VGLL3: variants seen among roughly 807,000 people sequenced by gnomAD.
VGLL3 encodes the protein vestigial like family member 3.
In VGLL3, 18 loss-of-function variants were observed where a neutral mutation model predicts 29.2. The observed-to-expected ratio is 0.62, with a 90% CI of 0.43 to 0.91. VGLL3 has a LOEUF of 0.91. Ranked by LOEUF, VGLL3 falls within the 40% of genes least tolerant of loss-of-function variation. The probability of loss-of-function intolerance (pLI) is 0.00; values close to 1 mark genes in which losing one functional copy is unlikely to be tolerated. For synonymous variants in VGLL3, 180 were observed against 151.8 expected (o/e 1.19, Z -1.36); for missense variants, 440 against 413.2 (o/e 1.06, Z -0.56).
chr3:86,982,807 C>T (rs1446288856), intron 1 of VGLL3, among the ~76,000 whole-genome samples: 1 of 152,102 alleles, frequency 6.6e-6, no homozygotes, highest in Non-Finnish European at 1.5e-5. Context: ...TTCTTAAATG[C>T]ACATTTATGT....
intron 3 of VGLL3, among the ~76,000 whole-genome samples, chr3:86,956,574 C>T (rs1704725971): frequency 6.6e-6 from 1 of 152,034 alleles, no homozygotes; most frequent in South Asian, 2.1e-4. Flanking sequence ...ATCACGAGGT[C>T]AGGAGATCGA....
intron 3 of VGLL3, chr3:86,962,419 C>A (rs1704871538): frequency 2.1e-5 from 21 of 985,326 alleles, no homozygotes; most frequent in Non-Finnish European, 2.5e-5. Flanking sequence ...ACCTCACTGT[C>A]CTCACCACCA....
rs997359862 is a variant in VGLL3, at chr3:86,946,898, C to T, written c.*126G>A. The T allele has an allele frequency of 5.9e-5, 40 of 674,532 alleles. No homozygotes were observed. The highest frequency in any genetic ancestry group is 3.7e-4 in the East Asian group (14 of 38,272). 41.8% of individuals were successfully genotyped at this position (674,532 alleles called of 1,614,324 possible). On this transcript the variant is annotated 3_prime_UTR_variant, in exon 4 of 4. Transcript: ENST00000398399. The stretch of plus-strand genomic sequence containing the variant: ...AGAAAGGCCGAAAACCAGTCAACTG[C>T]GTGACACTTTGTCTTCTCCTTCTAT...
chr3:86,941,359 C>T lies in VGLL3; in HGVS notation c.*5665G>A, dbSNP rs972925730. 6.6e-6 allele frequency: 1 copy of T among 152,184 alleles called. No homozygotes were observed. Among genetic ancestry groups the T allele is most frequent in the African/African-American group, 2.4e-5 (1 of 41,350 alleles). 9.4% of individuals were successfully genotyped at this position (152,184 alleles called of 1,614,324 possible). ...ATAAAGTGATATCAATAGGAAAGTT[C>T]ACATCTTATGCATATACCAAAAAAA... On this transcript the variant is annotated 3_prime_UTR_variant, in exon 4 of 4. Coordinates refer to ENST00000398399, the MANE Select transcript of VGLL3 (RefSeq NM_016206.4).
Position 86,968,585 on chromosome 3 carries a change from C to A in VGLL3, c.937+5G>T. 6.2e-7 allele frequency: 1 copy of A among 1,607,304 alleles called. No homozygotes were observed. Among genetic ancestry groups the A allele is most frequent in the Non-Finnish European group, 8.5e-7 (1 of 1,175,484 alleles). On this transcript the variant is annotated splice_donor_5th_base_variant and intron_variant, in intron 3 of 3. Coordinates refer to ENST00000398399, the MANE Select transcript of VGLL3 (RefSeq NM_016206.4). Reference sequence around the variant, plus strand: ...TTATAGGAAGAAAGAAATCCAGCAGCTTACCTGTATCGAATCCCACGCTGG... The same window carrying A: ...TTATAGGAAGAAAGAAATCCAGCAGATTACCTGTATCGAATCCCACGCTGG...
Position 86,946,724 on chromosome 3 carries a change from A to T in VGLL3, c.*300T>A, listed in dbSNP as rs1408459019. On this transcript the variant is annotated 3_prime_UTR_variant, in exon 4 of 4. Transcript: ENST00000398399. The stretch of plus-strand genomic sequence containing the variant: ...CTGACAAGGTGGTTGGCTAAAAAAA[A>T]AAATCAAAATGAAACAAAAACTTAG... 4.0e-6 allele frequency: 1 copy of T among 253,110 alleles called. No individual in the cohort carries two copies. Among genetic ancestry groups the T allele is most frequent in the Non-Finnish European group, 7.5e-6 (1 of 133,732 alleles). 15.7% of individuals were successfully genotyped at this position (253,110 alleles called of 1,614,324 possible). A position where few individuals can be genotyped will look rare whatever the true frequency, so the allele number is the denominator to read the frequency against.
chr3:86,956,167 A>G (rs1704718182), intron 3 of VGLL3, among the ~76,000 whole-genome samples: 1 of 152,250 alleles, frequency 6.6e-6, no homozygotes, highest in South Asian at 2.1e-4. Context: ...GTTCTGAAAC[A>G]GATTTCTTCA....
At chr3:86,986,926 A>C (rs543121403) in intron 1 of VGLL3, among the ~76,000 whole-genome samples, 1 of 152,320 alleles carries the variant, frequency 6.6e-6, no homozygotes, top group Admixed American at 6.5e-5. Flanking sequence ...CTTGGAAAGA[A>C]TCTCGCACTC....
intron 3 of VGLL3, 86 bp downstream of exon 3, chr3:86,968,504 A>T (rs1705010656): frequency 7.0e-6 from 10 of 1,435,688 alleles, no homozygotes; most frequent in Admixed American, 2.4e-5. Context: ...CTTTACAGAT[A>T]AGAAAAAATA....
chr3:86,989,202 A>G (rs1170659933), intron 1 of VGLL3, among the ~76,000 whole-genome samples: 1 of 152,258 alleles, frequency 6.6e-6, no homozygotes, highest in Non-Finnish European at 1.5e-5. Flanking sequence ...GGAGGAAAGT[A>G]TCTTTCTGAA....
intron 3 of VGLL3, among the ~76,000 whole-genome samples, chr3:86,965,967 C>T (rs113294436): frequency 7.0e-4 from 107 of 152,250 alleles, no homozygotes; most frequent in African/African-American, 2.5e-3. Context: ...GAAAAATTGA[C>T]GTACAACACC....
intron 3 of VGLL3, among the ~76,000 whole-genome samples, chr3:86,951,924 T>C (rs1052896362): frequency 2.6e-5 from 4 of 152,102 alleles, no homozygotes; most frequent in Admixed American, 2.6e-4. Flanking sequence ...ATAGGCCATG[T>C]TGAGTAGGCC....
intron 3 of VGLL3, among the ~76,000 whole-genome samples, chr3:86,948,718 C>T (rs1056774006): frequency 7.2e-5 from 11 of 152,074 alleles, no homozygotes; most frequent in African/African-American, 2.7e-4. Flanking sequence ...TTTCTTTTTA[C>T]CACAAGCATA....
intron 2 of VGLL3, among the ~76,000 whole-genome samples, chr3:86,975,083 T>C (rs1705180696): frequency 6.6e-6 from 1 of 152,148 alleles, no homozygotes; most frequent in Admixed American, 6.5e-5. Flanking sequence ...AATAAACACA[T>C]ATTACAGTTG....
At chr3:86,960,293 T>C (rs749044725) in intron 3 of VGLL3, among the ~76,000 whole-genome samples, 5 of 152,132 alleles carry the variant, frequency 3.3e-5, no homozygotes, top group African/African-American at 1.2e-4. Context: ...CCTTAAACCA[T>C]AAATAATTCG....
chr3:86,990,346 C>T, intron 1 of VGLL3: 1 of 985,396 alleles, frequency 1.0e-6, no homozygotes, highest in Non-Finnish European at 1.2e-6. Context: ...GAACTGAGTC[C>T]TAAGAGCTAG....
chr3:86,982,063 A>G (rs1442180750), intron 1 of VGLL3, among the ~76,000 whole-genome samples: 1 of 152,134 alleles, frequency 6.6e-6, no homozygotes, highest in African/African-American at 2.4e-5. Flanking sequence ...TCCCATCTTA[A>G]TTTCATTCTC....
chr3:86,989,754 T>A (rs1177314443), intron 1 of VGLL3, among the ~76,000 whole-genome samples: 1 of 152,172 alleles, frequency 6.6e-6, no homozygotes, highest in African/African-American at 2.4e-5. Flanking sequence ...ATACATTTTT[T>A]ATTTTAATGT....
chr3:86,974,117 T>A (rs1313657300), intron 2 of VGLL3, among the ~76,000 whole-genome samples: 1 of 151,910 alleles, frequency 6.6e-6, no homozygotes, highest in African/African-American at 2.4e-5. Flanking sequence ...TCATTAGGTT[T>A]GTTATTTTTT....
Sources: allele counts gnomAD v4.1 joint callset (sites outside exome capture counted in the v4.1 genomes callset), GRCh38; gene constraint gnomAD v4.1.1; transcripts MANE v1.5; gene names NCBI Gene and HGNC (gene_info 2026-07-23, HGNC 2026-07-21).